Variants in CPNE5 observed in about 807,000 individuals in gnomAD.
CPNE5 encodes copine 5.
In CPNE5, 42 loss-of-function variants were observed where a neutral mutation model predicts 81.1. The observed-to-expected ratio is 0.52, with a 90% confidence interval of 0.40 to 0.67. The LOEUF (loss-of-function observed/expected upper bound fraction) is 0.67. CPNE5 is among the 30% of genes least tolerant of loss of function. CPNE5 has a pLI of 0.00. For synonymous variants in CPNE5, 313 were observed against 321.5 expected (o/e 0.97, Z 0.28); for missense variants, 612 against 815.5 (o/e 0.75, Z 3.04).
intron 3 of CPNE5, among the ~76,000 whole-genome samples, chr6:36,821,608 C>A (rs190393826): frequency 2.1e-4 from 32 of 152,136 alleles, no homozygotes; most frequent in African/African-American, 4.6e-4. Flanking sequence ...TGGAAAAGGG[C>A]GTCATCCTGG....
At chr6:36,829,761 C>T (rs997341628) in intron 1 of CPNE5, among the ~76,000 whole-genome samples, 30 of 143,406 alleles carry the variant, frequency 2.1e-4, no homozygotes, top group African/African-American at 7.5e-4. Context: ...TGCAGTGAGC[C>T]GAGATCACGT....
chr6:36,802,022 C>A (rs749228025), intron 3 of CPNE5, among the ~76,000 whole-genome samples: 28 of 151,924 alleles, frequency 1.8e-4, no homozygotes, highest in Non-Finnish European at 4.0e-4. Context: ...AGATCGAGAC[C>A]ATCCTGGCCA....
chr6:36,784,570 G>A (rs545031861), intron 8 of CPNE5, among the ~76,000 whole-genome samples: 107 of 152,336 alleles, frequency 7.0e-4, no homozygotes, highest in African/African-American at 2.5e-3. Context: ...TAACAGAGCA[G>A]CAAATTCTGG....
At chr6:36,756,108 A>ACACC in intron 13 of CPNE5, 137 bp downstream of exon 13, 1 of 270,726 alleles carries the variant, frequency 3.7e-6, no homozygotes. Flanking sequence ...ACCCCTCCCC[A>ACACC]CCCCATCTCT....
At chr6:36,805,214 G>A (rs1012879914) in intron 3 of CPNE5, among the ~76,000 whole-genome samples, 9 of 152,212 alleles carry the variant, frequency 5.9e-5, no homozygotes, top group Admixed American at 2.0e-4. Flanking sequence ...ATTAGCACCC[G>A]AGCACTGGGA....
intron 18 of CPNE5, 78 bp from the exon 19 acceptor site, chr6:36,744,403 G>A (rs1445659168): frequency 9.0e-6 from 10 of 1,113,518 alleles, no homozygotes; most frequent in Non-Finnish European, 1.3e-5. Context: ...ATCAGGGGTA[G>A]GACAGGAAGG....
At chr6:36,814,565 A>G (rs1771370729) in intron 3 of CPNE5, among the ~76,000 whole-genome samples, 1 of 152,184 alleles carries the variant, frequency 6.6e-6, no homozygotes, top group South Asian at 2.1e-4. Flanking sequence ...GTGGCATATT[A>G]GATAGTGTCG....
intron 12 of CPNE5, among the ~76,000 whole-genome samples, chr6:36,758,875 G>A (rs1765748016): frequency 6.6e-6 from 1 of 152,210 alleles, no homozygotes; most frequent in Admixed American, 6.5e-5. Flanking sequence ...GAAGACCAGA[G>A]CACCCTCTTT....
chr6:36,755,453 G>T (rs890920744), intron 13 of CPNE5: 1 of 151,842 alleles, frequency 6.6e-6, no homozygotes, highest in African/African-American at 2.4e-5. Context: ...TCCATTGCCT[G>T]TCCCTTTACC....
At chr6:36,780,206 G>T (rs1044530448) in intron 8 of CPNE5, among the ~76,000 whole-genome samples, 2 of 151,972 alleles carry the variant, frequency 1.3e-5, no homozygotes, top group Non-Finnish European at 2.9e-5. Context: ...CTCATGATCC[G>T]CCCGCCTCAG....
intron 12 of CPNE5, among the ~76,000 whole-genome samples, chr6:36,758,985 A>AG (rs969130584): frequency 1.3e-5 from 2 of 152,214 alleles, no homozygotes; most frequent in Non-Finnish European, 2.9e-5. Context: ...TGTTAAGATG[A>AG]GGGCAAAATG....
At chr6:36,781,848 CT>C (rs1382197318) in intron 8 of CPNE5, among the ~76,000 whole-genome samples, 3 of 152,210 alleles carry the variant, frequency 2.0e-5, no homozygotes, top group Non-Finnish European at 2.9e-5. Flanking sequence ...GCCCTGTCTC[CT>C]TCCCACAGAG....
chr6:36,827,678 C>A lies in CPNE5; in HGVS notation c.96-4580G>T, dbSNP rs149024454. 4.5e-4 allele frequency: 448 copies of A among 985,426 alleles called. 3 individuals carry two copies. In the African/African-American group the frequency reaches 7.1e-3, roughly 16 times the overall value. 61.0% of individuals were successfully genotyped at this position (985,426 alleles called of 1,614,324 possible). A position where few individuals can be genotyped will look rare whatever the true frequency, so the allele number is the denominator to read the frequency against. ...GATCCTCACCATGATCCACTGAGGA[C>A]TTCCAGGCCCAGGGGCAATGAGTCA... is the stretch of plus-strand genomic sequence containing the variant. On this transcript the variant is annotated intron_variant, in intron 1 of 20. Coordinates refer to ENST00000244751, the MANE Select transcript of CPNE5 (RefSeq NM_020939.2).
intron 12 of CPNE5, chr6:36,757,446 G>T (rs1765594599): frequency 1.1e-6 from 1 of 883,924 alleles, no homozygotes; most frequent in Non-Finnish European, 1.4e-6. Context: ...GACACCAGGT[G>T]ATTTGCCTAA....
chr6:36,799,987 C>G lies in CPNE5; in HGVS notation c.267G>C (p.Lys89Asn). Residue 89 changes from lysine to asparagine, a missense_variant, in exon 4 of 21, where the codon AAG becomes AAC. Physicochemically the swap from Lys to Asn is moderately conservative, Grantham distance 94 (BLOSUM62 0). Coordinates refer to ENST00000244751, the MANE Select transcript of CPNE5 (RefSeq NM_020939.2). ...KFIVDYFFEEKQNLRFDLYDV... is the reference protein window; with the variant it reads ...KFIVDYFFEENQNLRFDLYDV... ...CTTACAGATCAAAACGGAGGTTCTG[C>G]TTCTCCTCGAAAAAGTAATCCACAA... is the stretch of plus-strand genomic sequence containing the variant. 1 of 1,613,744 alleles carries G rather than the reference C, an allele frequency of 6.2e-7. No individual in the cohort carries two copies. Among genetic ancestry groups the G allele is most frequent in the Non-Finnish European group, 8.5e-7 (1 of 1,179,666 alleles).
intron 13 of CPNE5, chr6:36,755,942 C>T (rs372832461): frequency 3.9e-5 from 17 of 434,308 alleles, no homozygotes; most frequent in African/African-American, 3.5e-4. Context: ...GGGGAATTTC[C>T]CAGGGTAGGG....
At chr6:36,749,673 A>AAAC (rs397696324) in intron 14 of CPNE5, among the ~76,000 whole-genome samples, 2 of 150,024 alleles carry the variant, frequency 1.3e-5, no homozygotes, top group Non-Finnish European at 3.0e-5. Flanking sequence ...AAAAAAAAAA[A>AAAC]CCCACTAAAA....
chr6:36,743,355 C>G (rs774319938), intron 20 of CPNE5: 7 of 527,226 alleles, frequency 1.3e-5, no homozygotes, highest in Non-Finnish European at 1.7e-5. Context: ...ACTAAAGACA[C>G]TGCCTCAGCC....
intron 6 of CPNE5, among the ~76,000 whole-genome samples, chr6:36,796,163 G>C (rs1769552557): frequency 6.6e-6 from 1 of 152,128 alleles, no homozygotes; most frequent in Non-Finnish European, 1.5e-5. Flanking sequence ...TGGTCAGGCT[G>C]GTCTCAAACT....
Sources: gnomAD v4.1 joint callset for allele counts (sites outside exome capture counted in the v4.1 genomes callset) on GRCh38, gnomAD v4.1.1 for gene constraint, MANE v1.5 for transcripts, NCBI Gene and HGNC (gene_info 2026-07-23, HGNC 2026-07-21) for gene names.